RASGRP3: variants seen among roughly 807,000 people sequenced by gnomAD.
RASGRP3 encodes the protein RAS guanyl releasing protein 3, also known as ras guanyl-releasing protein 3.
Under a neutral mutation model 82.7 loss-of-function variants are expected in RASGRP3, and 54 were observed. The ratio of observed to expected loss-of-function variants is 0.65; its 90% confidence interval spans 0.52 to 0.82. RASGRP3 has a LOEUF of 0.82. Among genes scored for constraint, RASGRP3 ranks in the 40% least tolerant of loss-of-function variants. RASGRP3 has a pLI of 0.00. For synonymous variants in RASGRP3, 309 were observed against 300.5 expected, an observed-to-expected ratio of 1.03 and a Z score of -0.29; for missense variants, 861 against 828.9, an observed-to-expected ratio of 1.04 and a Z score of -0.48.
chr2:33,529,269 C>A (rs57542130), intron 10 of RASGRP3, among the ~76,000 whole-genome samples: 24,376 of 151,376 alleles, frequency 0.16, 2,559 homozygotes, highest in African/African-American at 0.29. Context: ...CCAAGGCGGG[C>A]AGATCACAAG....
chr2:33,492,898 T>C (rs1668978940), intron 1 of RASGRP3, among the ~76,000 whole-genome samples: 1 of 152,006 alleles, frequency 6.6e-6, no homozygotes, highest in Non-Finnish European at 1.5e-5. Flanking sequence ...TCTGGGGACA[T>C]GTATGGGAGC....
At chr2:33,465,334 A>C (rs1666632347) in intron 2 of RASGRP3, among the ~76,000 whole-genome samples, 1 of 152,252 alleles carries the variant, frequency 6.6e-6, no homozygotes, top group Admixed American at 6.5e-5. Flanking sequence ...AGGAAGCCAC[A>C]GATGAAAAAT....
intron 2 of RASGRP3, among the ~76,000 whole-genome samples, chr2:33,454,951 G>A (rs536669762): frequency 6.6e-5 from 10 of 152,108 alleles, no homozygotes; most frequent in Non-Finnish European, 1.5e-4. Context: ...ATACTCAAAT[G>A]TGGCCAAAAA....
intron 2 of RASGRP3, among the ~76,000 whole-genome samples, chr2:33,454,316 A>G (rs1334959426): frequency 6.6e-6 from 1 of 152,240 alleles, no homozygotes; most frequent in African/African-American, 2.4e-5. Flanking sequence ...CAATGCATCT[A>G]TACTTTTCTC....
intron 7 of RASGRP3, 90 bp downstream of exon 7, chr2:33,522,192 A>G: frequency 1.4e-6 from 2 of 1,416,940 alleles, no homozygotes; most frequent in Non-Finnish European, 1.9e-6. Flanking sequence ...AAGTGTTGGC[A>G]GCTTCTATCA....
At chr2:33,538,143 T>C (rs1330440328) in intron 11 of RASGRP3, among the ~76,000 whole-genome samples, 1 of 152,228 alleles carries the variant, frequency 6.6e-6, no homozygotes. Flanking sequence ...GTTTTAGTGA[T>C]ATTTGGAGAA....
intron 2 of RASGRP3, among the ~76,000 whole-genome samples, chr2:33,469,612 A>G (rs113425150): frequency 0.022 from 3,387 of 152,088 alleles, 128 homozygotes; most frequent in African/African-American, 0.074. Context: ...GATATGGGCC[A>G]CCATGCCCAG....
chr2:33,523,779 T>C, intron 7 of RASGRP3, 100 bp from the exon 8 acceptor site: 1 of 1,165,920 alleles, frequency 8.6e-7, no homozygotes, highest in South Asian at 1.6e-5. Flanking sequence ...GAAATTGTGT[T>C]GTTACGAAAC....
chr2:33,542,913 G>A (rs1674405790), intron 12 of RASGRP3, among the ~76,000 whole-genome samples: 1 of 152,034 alleles, frequency 6.6e-6, no homozygotes, highest in South Asian at 2.1e-4. Context: ...GGGTGGTCTT[G>A]AATTCCTGAC....
chr2:33,560,411 A>G (rs1413323875), intron 17 of RASGRP3, among the ~76,000 whole-genome samples: 1 of 152,232 alleles, frequency 6.6e-6, no homozygotes, highest in Non-Finnish European at 1.5e-5. Context: ...GAGAAAGATC[A>G]TGATTAGGTG....
chr2:33,535,900 G>A (rs1314508480), intron 11 of RASGRP3, among the ~76,000 whole-genome samples: 1 of 152,184 alleles, frequency 6.6e-6, no homozygotes, highest in Admixed American at 6.5e-5. Flanking sequence ...TTGTATGTGT[G>A]CATACAGAAT....
chr2:33,559,160 A>G (rs895171084), intron 17 of RASGRP3, 130 bp downstream of exon 17: 2 of 757,958 alleles, frequency 2.6e-6, no homozygotes, highest in Middle Eastern at 3.2e-4. Flanking sequence ...GAAGACATGT[A>G]TCACTTTTAG....
chr2:33,528,056 G>T (rs2151038518), intron 10 of RASGRP3, among the ~76,000 whole-genome samples: 1 of 152,264 alleles, frequency 6.6e-6, no homozygotes, highest in Non-Finnish European at 1.5e-5. Context: ...ACCCATCCAT[G>T]TGGCAAGTTC....
At chr2:33,470,587 G>A (rs1666999604) in intron 2 of RASGRP3, among the ~76,000 whole-genome samples, 1 of 151,936 alleles carries the variant, frequency 6.6e-6, no homozygotes, top group Admixed American at 6.6e-5. Context: ...CACCGTGTTA[G>A]CCAGGATAGT....
chr2:33,439,894 G>A (rs1274550253), intron 1 of RASGRP3, among the ~76,000 whole-genome samples: 2 of 152,188 alleles, frequency 1.3e-5, no homozygotes, highest in Non-Finnish European at 2.9e-5. Flanking sequence ...AACTTGCTGG[G>A]GGAGAGATCA....
intron 1 of RASGRP3, among the ~76,000 whole-genome samples, chr2:33,486,164 A>T (rs1470361325): frequency 7.4e-6 from 1 of 135,620 alleles, no homozygotes. Context: ...TCTTTTATTT[A>T]TTTTTTTTTT....
At chr2:33,493,782 G>A (rs1052593186) in intron 1 of RASGRP3, among the ~76,000 whole-genome samples, 1 of 151,912 alleles carries the variant, frequency 6.6e-6, no homozygotes, top group African/African-American at 2.4e-5. Flanking sequence ...TTGACAAGGA[G>A]AGATGATCAG....
chr2:33,508,497 C>T (rs1299338023), intron 1 of RASGRP3, among the ~76,000 whole-genome samples: 1 of 152,048 alleles, frequency 6.6e-6, no homozygotes, highest in Non-Finnish European at 1.5e-5. Context: ...TCTTTCAATG[C>T]AATAGCAGGA....
chr2:33,477,315 T>C (rs1010544214), intron 1 of RASGRP3, among the ~76,000 whole-genome samples: 4 of 152,160 alleles, frequency 2.6e-5, no homozygotes, highest in African/African-American at 7.2e-5. Context: ...TTCCAACTAA[T>C]TGAAAGCTGT....
Sources: allele counts gnomAD v4.1 joint callset (sites outside exome capture counted in the v4.1 genomes callset), GRCh38; gene constraint gnomAD v4.1.1; transcripts MANE v1.5; gene names NCBI Gene and HGNC (gene_info 2026-07-23, HGNC 2026-07-21).